The following MAP3K13 variants were observed in gnomAD, a reference collection of about 807,000 sequenced individuals.
The protein encoded by MAP3K13 is leucine zipper-bearing kinase.
In MAP3K13, 52 loss-of-function variants were observed where a neutral mutation model predicts 104.0. The observed-to-expected ratio is 0.50, with a 90% CI of 0.40 to 0.63. The LOEUF (loss-of-function observed/expected upper bound fraction) is 0.63. Among genes scored for constraint, MAP3K13 ranks in the 20% least tolerant of loss-of-function variants. The pLI, the probability that MAP3K13 is intolerant of heterozygous loss-of-function variation, is 0.00. For synonymous variants in MAP3K13, 394 were observed against 442.2 expected, an observed-to-expected ratio of 0.89 and a Z score of 1.37; for missense variants, 914 against 1,218.5, an observed-to-expected ratio of 0.75 and a Z score of 3.72.
chr3:185,362,941 ACACACACACACACACG>A (rs1430085707), upstream of MAP3K13: 114 of 117,800 alleles, frequency 9.7e-4, 3 homozygotes, highest in South Asian at 6.6e-3. Context: ...ACACACACAC[ACACACACACACACACG>A]CACACACACA....
chr3:185,385,875 T>A (rs1483320529), intron 1 of MAP3K13, among the ~76,000 whole-genome samples: 1 of 151,950 alleles, frequency 6.6e-6, no homozygotes, highest in African/African-American at 2.4e-5. Context: ...TGGTGGTGGG[T>A]GCCTATAGTC....
chr3:185,477,911 C>T (rs1278859985), intron 12 of MAP3K13, among the ~76,000 whole-genome samples: 1 of 152,142 alleles, frequency 6.6e-6, no homozygotes, highest in Non-Finnish European at 1.5e-5. Flanking sequence ...GCAGAGAGAG[C>T]TCTTCCTTCT....
intron 7 of MAP3K13, among the ~76,000 whole-genome samples, chr3:185,461,048 T>A (rs1416123969): frequency 6.6e-6 from 1 of 152,244 alleles, no homozygotes; most frequent in Non-Finnish European, 1.5e-5. Context: ...CTTTCACTTG[T>A]CATTCTTTCG....
rs143244641 is a variant in MAP3K13, at chr3:185,367,009, G to T, written c.-86+3641G>T. Among the ~76,000 whole-genome samples the T allele has an allele frequency of 1.6e-3, 241 of 152,208 alleles. 1 individual carries two copies. The highest frequency in any genetic ancestry group is 5.4e-3 in the African/African-American group (226 of 41,532). On this transcript the variant is annotated intron_variant, in intron 1 of 13. Transcript: ENST00000265026. ...TCTAAGTTGGCTTTGCCTGACTCAA[G>T]GTCATAAAGATTTACTTCTATGTTT...
chr3:185,284,249 C>CT (rs761149752), intron 1 of MAP3K13, among the ~76,000 whole-genome samples: 10 of 150,640 alleles, frequency 6.6e-5, no homozygotes, highest in Non-Finnish European at 1.5e-4. Flanking sequence ...GAGAATATAT[C>CT]TTATATTTTC....
chr3:185,303,370 TGAAA>T (rs1482187784), intron 2 of MAP3K13, among the ~76,000 whole-genome samples: 1 of 152,190 alleles, frequency 6.6e-6, no homozygotes, highest in African/African-American at 2.4e-5. Flanking sequence ...TTCAATTTTT[TGAAA>T]GAGTTTGAGA....
At chr3:185,314,283 T>C (rs1721597752) in intron 2 of MAP3K13, among the ~76,000 whole-genome samples, 1 of 152,188 alleles carries the variant, frequency 6.6e-6, no homozygotes, top group South Asian at 2.1e-4. Context: ...ACATGAAATA[T>C]GTGGCTAAAT....
intron 2 of MAP3K13, among the ~76,000 whole-genome samples, chr3:185,355,629 C>A (rs550984240): frequency 2.6e-5 from 4 of 151,886 alleles, no homozygotes; most frequent in Non-Finnish European, 5.9e-5. Context: ...AGTGAGACTC[C>A]GTCTCAAAAA....
intron 11 of MAP3K13, chr3:185,476,907 G>A: frequency 3.2e-6 from 1 of 315,082 alleles, no homozygotes; most frequent in Non-Finnish European, 6.3e-6. Context: ...TATAAAAAGG[G>A]AAAAAGTAAT....
At chr3:185,309,600 T>C (rs6783055) in intron 2 of MAP3K13, among the ~76,000 whole-genome samples, 118,917 of 151,598 alleles carry the variant, frequency 0.78, 47,061 homozygotes, top group Non-Finnish European at 0.84. Flanking sequence ...TAGCGATACA[T>C]AATTACATAC....
chr3:185,321,125 T>C (rs949069794), intron 2 of MAP3K13, among the ~76,000 whole-genome samples: 1 of 150,976 alleles, frequency 6.6e-6, no homozygotes. Context: ...TGCACACACA[T>C]ATACACATGT....
intron 1 of MAP3K13, among the ~76,000 whole-genome samples, chr3:185,413,474 C>T (rs938568418): frequency 5.9e-5 from 9 of 152,118 alleles, no homozygotes; most frequent in African/African-American, 1.7e-4. Flanking sequence ...TAAATGACTA[C>T]GTATAACTAG....
chr3:185,332,951 T>C (rs1722337734), intron 2 of MAP3K13, among the ~76,000 whole-genome samples: 2 of 152,256 alleles, frequency 1.3e-5, no homozygotes, highest in African/African-American at 2.4e-5. Context: ...TTTTTAATTT[T>C]TTGAGGAACC....
Position 185,480,432 on chromosome 3 carries a change from C to T in MAP3K13, c.2702C>T (p.Ser901Leu), listed in dbSNP as rs781295432. ...QTPEIPIDIS[S>L]HSDGLSDKEC... ...CCAGAGATTCCCATTGACATATCCT[C>T]ACACTCGGATGGGCTCTCTGACAAG... The change falls in exon 13 of 14, where the codon TCA (serine) becomes TTA (leucine). Residue 901 changes from serine (S) to leucine (L), a missense_variant. Physicochemically the swap from Ser to Leu is moderately radical, Grantham distance 145. Transcript: ENST00000265026. 1.1e-5 allele frequency: 18 copies of T among 1,614,202 alleles called. No individual in the cohort carries two copies. The highest frequency in any genetic ancestry group is 1.3e-5 in the Non-Finnish European group (15 of 1,180,030).
chr3:185,307,329 C>T (rs1181390063), intron 2 of MAP3K13, among the ~76,000 whole-genome samples: 1 of 151,670 alleles, frequency 6.6e-6, no homozygotes, highest in Non-Finnish European at 1.5e-5. Flanking sequence ...ATATATTGGT[C>T]AACTAGATGG....
chr3:185,428,881 G>A lies in MAP3K13; in HGVS notation c.300G>A (p.Gly100=), dbSNP rs1486070215. The A allele has an allele frequency of 3.1e-6, 5 of 1,614,204 alleles. No homozygotes were observed. Among genetic ancestry groups the A allele is most frequent in the Admixed American group, 1.7e-5 (1 of 60,018 alleles). The change falls in exon 2 of 14, where the codon GGG becomes GGA. Residue 100 remains glycine (G), a synonymous_variant. Transcript: ENST00000265026. ...HDESETAVSQ[G]NSNTVDGEST... is the part of the protein sequence containing the mutation. ...AATCAGAGACGGCGGTGTCTCAGGG[G>A]AACAGCAACACGGTGGACGGAGAGA...
chr3:185,455,837 ATATAT>A (rs1716681795), intron 7 of MAP3K13, among the ~76,000 whole-genome samples: 1 of 117,630 alleles, frequency 8.5e-6, no homozygotes, highest in Admixed American at 1.1e-4. Flanking sequence ...TATGAGATAT[ATATAT>A]GAGATATATA....
intron 6 of MAP3K13, 61 bp from the exon 7 acceptor site, chr3:185,451,225 TA>T: frequency 1.6e-6 from 2 of 1,217,652 alleles, no homozygotes; most frequent in African/African-American, 1.5e-5. Context: ...TAAAGTAAAA[TA>T]AAATCTTCAT....
chr3:185,291,767 G>A, intron 2 of MAP3K13: 1 of 1,464,296 alleles, frequency 6.8e-7, no homozygotes, highest in East Asian at 2.5e-5. Context: ...AAAAGTACAA[G>A]CTTAAAGGGG....
Sources: allele counts gnomAD v4.1 joint callset (sites outside exome capture counted in the v4.1 genomes callset), GRCh38; gene constraint gnomAD v4.1.1; transcripts MANE v1.5; gene names NCBI Gene and HGNC (gene_info 2026-07-23, HGNC 2026-07-21).